IL4R: variants seen among roughly 807,000 people sequenced by gnomAD.
IL4R encodes the protein interleukin-4 receptor subunit alpha.
Under a neutral mutation model 41.5 loss-of-function variants are expected in IL4R, and 17 were observed. The ratio of observed to expected loss-of-function variants is 0.41; its 90% CI spans 0.28 to 0.61. The LOEUF (loss-of-function observed/expected upper bound fraction) is 0.61. Among genes scored for constraint, IL4R ranks in the 20% least tolerant of loss-of-function variants. IL4R has a pLI of 0.31. For missense variants in IL4R, 974 were observed against 1,043.1 expected (o/e 0.93, Z 0.91); for synonymous variants, 402 against 422.9 (o/e 0.95, Z 0.61).
chr16:27,338,334 C>T (rs1227831950), intron 2 of IL4R, among the ~76,000 whole-genome samples: 1 of 151,902 alleles, frequency 6.6e-6, no homozygotes, highest in Non-Finnish European at 1.5e-5. Flanking sequence ...CTTCCCACCT[C>T]AACCTCCCAA....
At position 27,363,298 on chromosome 16, in the gene IL4R, C is replaced by G. The variant is rs758679408; in HGVS notation, c.1946C>G (p.Pro649Arg). The part of the protein sequence containing the change: ...PGCPGDPAPV[P>R]VPLFTFGLDR... ...TGCCCTGGGGACCCTGCCCCAGTCC[C>G]TGTCCCCTTGTTCACCTTTGGACTG... is the stretch of plus-strand genomic sequence containing the variant. The change falls in exon 11 of 11, where the codon CCT becomes CGT. Residue 649 changes from proline to arginine, a missense_variant. This residue lies in a region of IL4R where 682 missense variants were observed against 704.3 expected (regional missense o/e 0.97). Transcript: ENST00000395762. 104 of 1,608,712 alleles carry G rather than the reference C, an allele frequency of 6.5e-5. No homozygotes were observed. Among genetic ancestry groups the G allele is most frequent in the Non-Finnish European group, 8.7e-5 (102 of 1,176,908 alleles).
chr16:27,363,630 A>G lies in IL4R; in HGVS notation c.2278A>G (p.Arg760Gly), dbSNP rs771004955. Residue 760 changes from arginine to glycine, a missense_variant, in exon 11 of 11, where the codon AGG (arginine) becomes GGG (glycine). Around this residue, in one of 3 missense-constraint regions of IL4R, gnomAD observed 682 missense variants for 704.3 expected, o/e 0.97. Transcript: ENST00000395762. Reference protein sequence around the residue: ...DRSSPPTTPLRAPDPSPGGVP... With the variant: ...DRSSPPTTPLGAPDPSPGGVP... Reference sequence around the variant, plus strand: ...GTCCTCGCCCCCTACAACCCCCCTGAGGGCCCCAGACCCCTCTCCAGGTGG... The same window carrying G: ...GTCCTCGCCCCCTACAACCCCCCTGGGGGCCCCAGACCCCTCTCCAGGTGG... 1.9e-6 allele frequency: 3 copies of G among 1,613,266 alleles called. 1 individual carries two copies. The South Asian group carries it at 3.3e-5, about 18-fold the overall frequency.
intron 6 of IL4R, among the ~76,000 whole-genome samples, chr16:27,347,670 C>T (rs964421175): frequency 2.0e-5 from 3 of 152,208 alleles, no homozygotes; most frequent in African/African-American, 7.2e-5. Context: ...ACCCTGAATC[C>T]ACCTTCCTCA....
intron 6 of IL4R, among the ~76,000 whole-genome samples, chr16:27,347,757 C>T (rs1353955447): frequency 6.6e-6 from 1 of 152,216 alleles, no homozygotes; most frequent in Non-Finnish European, 1.5e-5. Context: ...GCCTGCTGTG[C>T]CACTCGCCAG....
intron 1 of IL4R, among the ~76,000 whole-genome samples, chr16:27,316,083 T>C (rs1031917260): frequency 2.0e-5 from 3 of 152,156 alleles, no homozygotes; most frequent in African/African-American, 7.2e-5. Context: ...GTCAAAGAAG[T>C]GACAAGCTGG....
chr16:27,344,809 C>T (rs902582750), intron 4 of IL4R, 60 bp from the exon 5 acceptor site: 4 of 1,565,478 alleles, frequency 2.6e-6, no homozygotes, highest in Non-Finnish European at 1.8e-6. Flanking sequence ...GTCCCGGACA[C>T]AGCTGTGGGG....
chr16:27,335,805 G>A (rs1242098772), intron 2 of IL4R, among the ~76,000 whole-genome samples: 6 of 152,094 alleles, frequency 3.9e-5, no homozygotes, highest in African/African-American at 7.2e-5. Context: ...CACTAGGAAG[G>A]CATGATAATC....
At chr16:27,343,830 T>G (rs2085523065) in intron 4 of IL4R, among the ~76,000 whole-genome samples, 1 of 152,118 alleles carries the variant, frequency 6.6e-6, no homozygotes, top group Non-Finnish European at 1.5e-5. Context: ...TGGGCATTAT[T>G]CCATGTACCA....
At chr16:27,326,100 CCT>C (rs1418136788) in intron 1 of IL4R, among the ~76,000 whole-genome samples, 2 of 152,116 alleles carry the variant, frequency 1.3e-5, no homozygotes, top group African/African-American at 4.8e-5. Context: ...AGCCCTGGCA[CCT>C]CTCTCTGGGG....
In IL4R at chr16:27,360,805, G is replaced by A. The variant is rs1362440795; in HGVS notation, c.889G>A (p.Ala297Thr). Residue 297 changes from alanine (A) to threonine (T), a missense_variant, in exon 10 of 11, where the codon GCC becomes ACC. By Grantham distance (58) the Ala-to-Thr change is moderately conservative. This residue lies in a region of IL4R where 682 missense variants were observed against 704.3 expected (regional missense o/e 0.97). Transcript: ENST00000395762. ...WEKRSRGQEP[A>T]KCPHWKNCLT... is the part of the protein sequence containing the mutation. ...GAAGCGGTCCCGAGGCCAGGAACCA[G>A]CCAAGTGCCCGTATGTATCTGAACT... is the stretch of plus-strand genomic sequence containing the variant. The A allele has an allele frequency of 1.9e-6, 3 of 1,614,044 alleles. No individual in the cohort carries two copies. Among genetic ancestry groups the A allele is most frequent in the Non-Finnish European group, 2.5e-6 (3 of 1,180,040 alleles).
chr16:27,317,458 G>A (rs1221323304), intron 1 of IL4R, among the ~76,000 whole-genome samples: 1 of 152,164 alleles, frequency 6.6e-6, no homozygotes, highest in Non-Finnish European at 1.5e-5. Flanking sequence ...GCCCAGCCAC[G>A]TTTAGCTAGA....
At position 27,355,641 on chromosome 16, in the gene IL4R, A is replaced by G. The variant is rs982655728; in HGVS notation, c.671-167A>G. ...AGGTGGCCGGTGTGACGAGGACTCA[A>G]TGTGCAAGAGGGAGAGTGGTGGGGA... On this transcript the variant is annotated intron_variant, in intron 7 of 10. Transcript: ENST00000395762. 6.7e-5 allele frequency: 38 copies of G among 570,822 alleles called. No homozygotes were observed. The Middle Eastern group carries it at 1.4e-3, about 21-fold the overall frequency. The allele number at this position is 570,822 out of a possible 1,614,324, so 35.4% of individuals were successfully genotyped here.
intron 1 of IL4R, among the ~76,000 whole-genome samples, chr16:27,329,289 C>G (rs2085047798): frequency 6.6e-6 from 1 of 152,100 alleles, no homozygotes; most frequent in Non-Finnish European, 1.5e-5. Flanking sequence ...CCAATTAAAC[C>G]TCTTTTCTTT....
chr16:27,354,957 G>T, intron 7 of IL4R: 1 of 444,034 alleles, frequency 2.3e-6, no homozygotes, highest in Non-Finnish European at 4.9e-6. Flanking sequence ...CATTGGCATG[G>T]GGAAGGGAAC....
rs1274317518 is a variant in IL4R, at chr16:27,364,085, C to A, written c.*255C>A. On this transcript the variant is annotated 3_prime_UTR_variant, in exon 11 of 11. Transcript: ENST00000395762. The stretch of plus-strand genomic sequence containing the variant: ...TGGGTCGCCGTGCCCCACGGCAGGC[C>A]CCTGCAGGAAAACTGAGGCCCTTGG... 4 of 462,304 alleles carry A rather than the reference C, an allele frequency of 8.7e-6. No homozygotes were observed. The highest frequency in any genetic ancestry group is 1.5e-5 in the Non-Finnish European group (4 of 261,320). 28.6% of individuals were successfully genotyped at this position (462,304 alleles called of 1,614,324 possible).
chr16:27,360,914 A>C (rs536340850), intron 10 of IL4R, 99 bp downstream of exon 10: 21 of 1,608,598 alleles, frequency 1.3e-5, no homozygotes, highest in Middle Eastern at 1.7e-4. Context: ...TCTTCCCTGC[A>C]TTCGGTAATT....
chr16:27,357,920 G>A (rs1357759358), intron 8 of IL4R, among the ~76,000 whole-genome samples: 1 of 146,838 alleles, frequency 6.8e-6, no homozygotes, highest in Non-Finnish European at 1.5e-5. Flanking sequence ...TTGAGATGGA[G>A]TCTCATGTTG....
rs752120738 is a variant in IL4R, at chr16:27,363,682, C to T, written c.2330C>T (p.Pro777Leu). Residue 777 changes from proline (P) to leucine (L), a missense_variant, in exon 11 of 11, where the codon CCG becomes CTG. Pro to Leu is a moderately conservative substitution (Grantham distance 98). Around this residue, in one of 3 missense-constraint regions of IL4R, gnomAD observed 682 missense variants for 704.3 expected, o/e 0.97. Transcript: ENST00000395762. ...GTTCCACTGGAGGCCAGTCTGTGTC[C>T]GGCCTCCCTGGCACCCTCGGGCATC... is the stretch of plus-strand genomic sequence containing the variant. The part of the protein sequence containing the change: ...GGVPLEASLC[P>L]ASLAPSGISE... The T allele has an allele frequency of 3.3e-5, 53 of 1,613,780 alleles. No individual in the cohort carries two copies. The highest frequency in any genetic ancestry group is 2.9e-4 in the East Asian group (13 of 44,886).
chr16:27,333,002 A>G (rs548165483), intron 2 of IL4R, among the ~76,000 whole-genome samples: 33 of 151,898 alleles, frequency 2.2e-4, no homozygotes, highest in Non-Finnish European at 4.3e-4. Flanking sequence ...GTGACTTCTA[A>G]TTTGAATCCA....
Sources: gnomAD v4.1 joint callset for allele counts (sites outside exome capture counted in the v4.1 genomes callset) on GRCh38, gnomAD v4.1.1 for gene constraint, gnomAD v4.1.1 regional missense constraint, MANE v1.5 for transcripts, NCBI Gene and HGNC (gene_info 2026-07-23, HGNC 2026-07-21) for gene names.